Variants in CNGB3 observed in about 807,000 individuals in gnomAD.
CNGB3 encodes cyclic nucleotide-gated channel beta-3.
Under a neutral mutation model 92.8 loss-of-function variants are expected in CNGB3, and 86 were observed. The observed-to-expected ratio is 0.93, with a 90% CI of 0.78 to 1.11. The LOEUF is 1.11. CNGB3 is among the 50% of genes least tolerant of loss of function. CNGB3 has a pLI of 0.00. For synonymous variants in CNGB3, 333 were observed against 332.7 expected (o/e 1.00, Z -0.01); for missense variants, 1,026 against 956.8 (o/e 1.07, Z -0.95).
At chr8:86,647,486 CAA>C (rs1823311339) in intron 8 of CNGB3, among the ~76,000 whole-genome samples, 1 of 150,252 alleles carries the variant, frequency 6.7e-6, no homozygotes, top group South Asian at 2.1e-4. Flanking sequence ...TAGAAAAAAA[CAA>C]AAAGTATAAA....
intron 9 of CNGB3, among the ~76,000 whole-genome samples, chr8:86,644,309 G>A (rs188924689): frequency 5.3e-4 from 80 of 151,450 alleles, no homozygotes; most frequent in Non-Finnish European, 9.9e-4. Context: ...ATTCAGATTA[G>A]GAATGAATTA....
chr8:86,703,246 C>T, intron 3 of CNGB3, among the ~76,000 whole-genome samples: 1 of 152,100 alleles, frequency 6.6e-6, no homozygotes, highest in Non-Finnish European at 1.5e-5. Flanking sequence ...ACATGGGACT[C>T]TTTATTTATC....
At chr8:86,691,828 T>G (rs1824323469) in intron 3 of CNGB3, among the ~76,000 whole-genome samples, 1 of 152,210 alleles carries the variant, frequency 6.6e-6, no homozygotes, top group Non-Finnish European at 1.5e-5. Flanking sequence ...ATTGTCTCTT[T>G]GTGCTCTTTC....
chr8:86,586,577 A>C (rs1821898653), intron 15 of CNGB3, among the ~76,000 whole-genome samples: 1 of 148,840 alleles, frequency 6.7e-6, no homozygotes, highest in Non-Finnish European at 1.5e-5. Context: ...ATGAGTGAGA[A>C]TATGCGGTGT....
intron 3 of CNGB3, among the ~76,000 whole-genome samples, chr8:86,696,590 G>A (rs557192562): frequency 1.3e-5 from 2 of 152,278 alleles, no homozygotes; most frequent in African/African-American, 2.4e-5. Flanking sequence ...TGGGAGCTGC[G>A]TGTTAGTCCT....
intron 3 of CNGB3, among the ~76,000 whole-genome samples, chr8:86,702,855 C>T (rs1824580115): frequency 6.6e-6 from 1 of 151,792 alleles, no homozygotes; most frequent in South Asian, 2.1e-4. Flanking sequence ...TTCATGTCTT[C>T]TTCTATTTTT....
intron 15 of CNGB3, chr8:86,594,594 G>T: frequency 3.9e-6 from 1 of 258,298 alleles, no homozygotes; most frequent in South Asian, 4.3e-5. Context: ...ACCCTGAGAG[G>T]GATGCAAAGC....
At chr8:86,614,461 A>G (rs1186882564) in intron 13 of CNGB3, among the ~76,000 whole-genome samples, 1 of 151,772 alleles carries the variant, frequency 6.6e-6, no homozygotes, top group Non-Finnish European at 1.5e-5. Context: ...CTCTCTCCCC[A>G]CTGGTTGAGC....
At chr8:86,679,428 C>T (rs1297831396) in intron 3 of CNGB3, among the ~76,000 whole-genome samples, 1 of 152,116 alleles carries the variant, frequency 6.6e-6, no homozygotes, top group Non-Finnish European at 1.5e-5. Context: ...GAGACACGAC[C>T]TATGGGGAGG....
chr8:86,594,618 T>C (rs1422746207), intron 15 of CNGB3: 2 of 221,744 alleles, frequency 9.0e-6, no homozygotes, highest in Non-Finnish European at 9.1e-6. Flanking sequence ...GGGCAGCGAG[T>C]GTGTCCCTGA....
chr8:86,627,229 G>A (rs997591109), intron 12 of CNGB3, among the ~76,000 whole-genome samples: 4 of 151,830 alleles, frequency 2.6e-5, no homozygotes, highest in African/African-American at 4.8e-5. Context: ...TATTGTTTCC[G>A]AGGGCTGTCT....
In CNGB3 at chr8:86,611,518, T is replaced by C. The variant is rs865921625; in HGVS notation, c.1662+70A>G. 36 of 1,276,956 alleles carry C rather than the reference T, an allele frequency of 2.8e-5. 1 individual carries two copies. The Middle Eastern group carries it at 5.9e-3, about 211-fold the overall frequency. The allele number at this position is 1,276,956 out of a possible 1,614,324, so 79.1% of individuals were successfully genotyped here. A position where few individuals can be genotyped will look rare whatever the true frequency, so the allele number is the denominator to read the frequency against. ...CTGAACAAATTTTGTTTAAACAATG[T>C]TCTTGACTTATGTCCGAAATCCTCA... On this transcript the variant is annotated intron_variant, in intron 14 of 17. Transcript: ENST00000320005.
At chr8:86,652,532 T>C (rs1415122407) in intron 7 of CNGB3, among the ~76,000 whole-genome samples, 2 of 152,024 alleles carry the variant, frequency 1.3e-5, no homozygotes, top group African/African-American at 2.4e-5. Context: ...TATACAAAAG[T>C]ATTTTCATTA....
At chr8:86,578,939 T>A in intron 16 of CNGB3, 76 bp from the exon 17 acceptor site, 2 of 1,587,972 alleles carry the variant, frequency 1.3e-6, no homozygotes, top group Non-Finnish European at 1.7e-6. Context: ...AAACTGCAAT[T>A]TATCCTAACC....
At chr8:86,709,576 G>T (rs1824712091) in intron 3 of CNGB3, among the ~76,000 whole-genome samples, 1 of 152,160 alleles carries the variant, frequency 6.6e-6, no homozygotes, top group African/African-American at 2.4e-5. Context: ...ACTGTTACTT[G>T]TCTCAGCAGA....
intron 3 of CNGB3, among the ~76,000 whole-genome samples, chr8:86,715,837 A>AG (rs997046904): frequency 1.3e-5 from 1 of 79,916 alleles, no homozygotes; most frequent in African/African-American, 5.1e-5. Flanking sequence ...GGGTGGGGGG[A>AG]GGGGGGAGGG....
chr8:86,672,477 C>T (rs552084372), intron 3 of CNGB3, among the ~76,000 whole-genome samples: 5 of 152,304 alleles, frequency 3.3e-5, no homozygotes, highest in African/African-American at 1.2e-4. Flanking sequence ...TTCATCAAGA[C>T]CTGAGCTTCT....
chr8:86,740,771 G>A (rs1383960287), intron 1 of CNGB3, among the ~76,000 whole-genome samples: 1 of 152,028 alleles, frequency 6.6e-6, no homozygotes, highest in Non-Finnish European at 1.5e-5. Context: ...ATTAGGCAAG[G>A]CAGCTATTAT....
intron 3 of CNGB3, among the ~76,000 whole-genome samples, chr8:86,700,300 A>G (rs1053226666): frequency 1.3e-5 from 2 of 152,148 alleles, no homozygotes; most frequent in Non-Finnish European, 2.9e-5. Context: ...TTATTAAAAT[A>G]TATTGCCTGC....
Sources: gnomAD v4.1 joint callset for allele counts (sites outside exome capture counted in the v4.1 genomes callset) on GRCh38, gnomAD v4.1.1 for gene constraint, MANE v1.5 for transcripts, NCBI Gene and HGNC (gene_info 2026-07-23, HGNC 2026-07-21) for gene names.